CIMIP2A: variants seen among roughly 807,000 people sequenced by gnomAD.
The protein encoded by CIMIP2A is ciliary microtubule inner protein 2A.
chr9:137,245,139 C>G, the CIMIP2A span: 2 of 1,595,422 alleles, frequency 1.3e-6, no homozygotes, highest in Non-Finnish European at 1.7e-6. Flanking sequence ...CTGCGGCAGC[C>G]GCTGGAAGCT....
the CIMIP2A span, chr9:137,244,970 T>C: frequency 7.5e-6 from 12 of 1,605,352 alleles, no homozygotes; most frequent in Non-Finnish European, 1.0e-5. Context: ...CCCAGGCCGC[T>C]AGCCTGTTCT....
the CIMIP2A span, among the ~76,000 whole-genome samples, chr9:137,254,484 A>G: frequency 1.3e-5 from 2 of 152,198 alleles, no homozygotes. Context: ...AGATGGAGCG[A>G]TCTCCTCCAG....
At chr9:137,244,502 G>T in the CIMIP2A span, 1 of 1,501,932 alleles carries the variant, frequency 6.7e-7, no homozygotes, top group African/African-American at 1.4e-5. Context: ...CACCTCCGGG[G>T]ACAGGAGAGA....
At chr9:137,248,134 G>C in the CIMIP2A span, among the ~76,000 whole-genome samples, 1 of 152,244 alleles carries the variant, frequency 6.6e-6, no homozygotes, top group Non-Finnish European at 1.5e-5. Context: ...TTCCCGGCCT[G>C]CAGGGCTGTG....
At chr9:137,251,383 C>T in the CIMIP2A span, 1 of 1,611,930 alleles carries the variant, frequency 6.2e-7, no homozygotes, top group Non-Finnish European at 8.5e-7. Context: ...GCAGACACAA[C>T]CAGAGCCCAC....
At chr9:137,253,035 G>T in the CIMIP2A span, 3 of 1,514,108 alleles carry the variant, frequency 2.0e-6, no homozygotes, top group Non-Finnish European at 2.7e-6. Context: ...AAGGGTTCAG[G>T]GGCCGGGGGT....
chr9:137,249,036 T>G, the CIMIP2A span, among the ~76,000 whole-genome samples: 1 of 152,024 alleles, frequency 6.6e-6, no homozygotes, highest in Admixed American at 6.5e-5. Context: ...TTTTGTATTT[T>G]TAGTAGAGAC....
At chr9:137,247,012 G>A in the CIMIP2A span, among the ~76,000 whole-genome samples, 9 of 152,028 alleles carry the variant, frequency 5.9e-5, no homozygotes, top group Non-Finnish European at 1.0e-4. Flanking sequence ...CTGGCCGGGC[G>A]TGGTGGCTTA....
At chr9:137,244,683 C>G in the CIMIP2A span, 3 of 1,613,828 alleles carry the variant, frequency 1.9e-6, no homozygotes, top group Non-Finnish European at 2.5e-6. Flanking sequence ...ATGACGCCGT[C>G]TCGGTAATTC....
the CIMIP2A span, chr9:137,243,682 A>G: frequency 9.9e-6 from 16 of 1,614,046 alleles, no homozygotes; most frequent in Admixed American, 3.3e-5. Flanking sequence ...CTGTACAGAC[A>G]CCACCATTAA....
the CIMIP2A span, chr9:137,245,422 T>C: frequency 6.2e-7 from 1 of 1,613,448 alleles, no homozygotes; most frequent in Admixed American, 1.7e-5. Flanking sequence ...GCACGGAGGG[T>C]GCGGGGTGTC....
At chr9:137,251,809 T>C in the CIMIP2A span, 1 of 1,601,012 alleles carries the variant, frequency 6.2e-7, no homozygotes, top group African/African-American at 1.3e-5. Context: ...CCCCCAAAGA[T>C]GAAGGAGATC....
At chr9:137,244,064 A>G in the CIMIP2A span, 1 of 1,191,934 alleles carries the variant, frequency 8.4e-7, no homozygotes, top group African/African-American at 1.5e-5. Context: ...GACCCTGGTA[A>G]TGGTCAGACA....
At chr9:137,244,640 A>G in the CIMIP2A span, 59 of 1,613,428 alleles carry the variant, frequency 3.7e-5, no homozygotes, top group Non-Finnish European at 4.9e-5. Context: ...GCGCTTTCCT[A>G]CCTGGCTCTT....
chr9:137,253,629 T>G, the CIMIP2A span: 1 of 663,442 alleles, frequency 1.5e-6, no homozygotes, highest in Non-Finnish European at 2.3e-6. Flanking sequence ...TGGCAGCCTG[T>G]GACTGACCCT....
At chr9:137,252,518 A>G in the CIMIP2A span, 1 of 1,533,754 alleles carries the variant, frequency 6.5e-7, no homozygotes, top group Non-Finnish European at 8.8e-7. Context: ...TTCGACCAAG[A>G]GCAAAAGGTT....
the CIMIP2A span, chr9:137,245,146 A>C: frequency 6.3e-7 from 1 of 1,588,572 alleles, no homozygotes; most frequent in South Asian, 1.1e-5. Flanking sequence ...AGCCGCTGGA[A>C]GCTGCCCACA....
At chr9:137,245,483 CT>C in the CIMIP2A span, 14 of 1,613,738 alleles carry the variant, frequency 8.7e-6, no homozygotes, top group East Asian at 4.5e-5. Flanking sequence ...TTCTCTACCC[CT>C]GGCGGCTCCT....
At chr9:137,245,016 CAG>C in the CIMIP2A span, 3 of 1,610,294 alleles carry the variant, frequency 1.9e-6, no homozygotes, top group Non-Finnish European at 2.5e-6. Flanking sequence ...GCAGCCTCCT[CAG>C]GGGCTCTCAC....
Sources: gnomAD v4.1 joint callset for allele counts (sites outside exome capture counted in the v4.1 genomes callset) on GRCh38, gnomAD v4.1.1 for gene constraint, MANE v1.5 for transcripts, NCBI Gene and HGNC (gene_info 2026-07-23, HGNC 2026-07-21) for gene names.